DDX19A: variants seen among roughly 807,000 people sequenced by gnomAD.
DDX19A encodes the protein ATP-dependent RNA helicase DDX19A.
In DDX19A, 12 loss-of-function variants were observed where a neutral mutation model predicts 60.6. That is an observed-to-expected ratio of 0.20 (90% CI 0.13 to 0.32). The LOEUF is 0.32. Among genes scored for constraint, DDX19A ranks in the 10% least tolerant of loss-of-function variants. DDX19A has a pLI of 1.00. For missense variants in DDX19A, 337 were observed against 600.6 expected (o/e 0.56, Z 4.59); for synonymous variants, 206 against 218.2 (o/e 0.94, Z 0.49).
chr16:70,363,444 C>G (rs1488907905), intron 5 of DDX19A: 1 of 152,140 alleles, frequency 6.6e-6, no homozygotes, highest in Non-Finnish European at 1.5e-5. Context: ...TCAAGTGATT[C>G]TCCTGGCTCA....
chr16:70,356,767 C>G (rs1964200666), intron 4 of DDX19A: 2 of 679,684 alleles, frequency 2.9e-6, no homozygotes, highest in Non-Finnish European at 4.2e-6. Flanking sequence ...CTTGGCTATC[C>G]TGTTCTCTTG....
Position 70,365,116 on chromosome 16 carries a change from G to A in DDX19A, c.589G>A (p.Val197Ile), listed in dbSNP as rs201168154. The change falls in exon 7 of 12, where the codon GTT becomes ATT. Residue 197 changes from valine (V) to isoleucine (I), a missense_variant. Transcript: ENST00000302243. Reference protein sequence around the residue: ...FYPELKLAYAVRGNKLERGQK... With the variant: ...FYPELKLAYAIRGNKLERGQK... ...CCCAGAACTGAAGCTTGCCTATGCC[G>A]TTCGAGGCAATAAATGTGAGTACGG... The A allele has an allele frequency of 5.3e-5, 85 of 1,612,724 alleles. No individual in the cohort carries two copies. The East Asian group carries it at 1.2e-3, about 24-fold the overall frequency.
chr16:70,360,941 C>CCATGTTG (rs1964346490), intron 4 of DDX19A: 1 of 168,272 alleles, frequency 5.9e-6, no homozygotes, highest in Non-Finnish European at 1.3e-5. Flanking sequence ...CGAGGTATCA[C>CCATGTTG]CATGTTGCCC....
intron 4 of DDX19A, chr16:70,356,851 T>G: frequency 7.9e-7 from 1 of 1,264,816 alleles, no homozygotes; most frequent in Non-Finnish European, 1.0e-6. Flanking sequence ...CTTAGAACTT[T>G]CAATAAAATA....
At chr16:70,357,366 G>GTTTTTGTTTTTTTTTTTTTT (rs1964237287) in intron 4 of DDX19A, among the ~76,000 whole-genome samples, 1 of 44,596 alleles carries the variant, frequency 2.2e-5, no homozygotes, top group African/African-American at 8.9e-5. Flanking sequence ...TTTTTGGTTT[G>GTTTTTGTTTTTTTTTTTTTT]TTTTTTTTTT....
intron 4 of DDX19A, among the ~76,000 whole-genome samples, chr16:70,357,154 G>A (rs937594454): frequency 6.7e-5 from 10 of 150,248 alleles, no homozygotes; most frequent in Non-Finnish European, 1.3e-4. Flanking sequence ...CTCAGGAGGC[G>A]GAGGCTGAGG....
At chr16:70,355,205 C>A (rs780631825) in intron 2 of DDX19A, among the ~76,000 whole-genome samples, 2 of 151,886 alleles carry the variant, frequency 1.3e-5, no homozygotes, top group East Asian at 1.9e-4. Context: ...GGTGAAACCC[C>A]GTCTCTACTA....
At chr16:70,358,253 A>G (rs945256453) in intron 4 of DDX19A, among the ~76,000 whole-genome samples, 1 of 150,354 alleles carries the variant, frequency 6.7e-6, no homozygotes, top group Non-Finnish European at 1.5e-5. Context: ...CTGGTCTCAA[A>G]CTCCTGGCCT....
intron 1 of DDX19A, chr16:70,347,311 C>G (rs1963864090): frequency 1.9e-6 from 1 of 524,532 alleles, no homozygotes; most frequent in African/African-American, 1.9e-5. Flanking sequence ...TTGACCTCCT[C>G]GGTGACGATT....
intron 7 of DDX19A, chr16:70,365,775 G>C (rs1964501741): frequency 2.4e-6 from 1 of 413,876 alleles, no homozygotes; most frequent in Non-Finnish European, 4.5e-6. Context: ...GTGAGACCCT[G>C]TCTCAAAATA....
chr16:70,364,385 TA>T (rs1362170180), intron 5 of DDX19A, 157 bp from the exon 6 acceptor site: 40 of 602,776 alleles, frequency 6.6e-5, no homozygotes, highest in Non-Finnish European at 1.1e-4. Flanking sequence ...TAACAGCGTA[TA>T]AAAAAATGTA....
chr16:70,369,413 C>T (rs192568098), intron 9 of DDX19A, among the ~76,000 whole-genome samples: 34 of 144,486 alleles, frequency 2.4e-4, no homozygotes, highest in African/African-American at 6.7e-4. Context: ...CTCCTGACCT[C>T]GCGATCGGCC....
At chr16:70,360,280 C>CAAAAAA (rs570664065) in intron 4 of DDX19A, among the ~76,000 whole-genome samples, 2,809 of 140,902 alleles carry the variant, frequency 0.02, 39 homozygotes, top group Non-Finnish European at 0.031. Context: ...GACTCCATCT[C>CAAAAAA]AAAAAAAAAA....
rs780487764 is a variant in DDX19A at position 70,371,945 on chromosome 16, G to A, written c.1396G>A (p.Asp466Asn). 1 of 1,613,996 alleles carries A rather than the reference G, an allele frequency of 6.2e-7. No homozygotes were observed. The highest frequency in any genetic ancestry group is 1.1e-5 in the South Asian group (1 of 91,078). ...EHFNKKIERL[D>N]TDDLDEIEKI... Reference sequence around the variant, plus strand: ...CCCAGATAAGAAGATAGAAAGATTGGACACAGATGATTTGGACGAGATTGA... The same window carrying A: ...CCCAGATAAGAAGATAGAAAGATTGAACACAGATGATTTGGACGAGATTGA... Residue 466 changes from aspartate (D) to asparagine (N), a missense_variant, in exon 12 of 12, where the codon GAC (aspartate) becomes AAC (asparagine). This residue lies in a region of DDX19A where 29 missense variants were observed against 51.2 expected (regional missense o/e 0.57). Transcript: ENST00000302243.
chr16:70,347,030 G>A lies in DDX19A; in HGVS notation c.39G>A (p.Gln13=). The change falls in exon 1 of 12, where the codon CAG becomes CAA. Residue 13 remains glutamine, a synonymous_variant. Transcript: ENST00000302243. ...TDSWALAVDE[Q]EAAVKSMTNL... is the part of the protein sequence containing the mutation. ...CGTGGGCCCTGGCGGTGGACGAGCAGGAAGCGGCTGTCAAGTCGGTCAGTA... is the reference window on the plus strand; with the variant it reads ...CGTGGGCCCTGGCGGTGGACGAGCAAGAAGCGGCTGTCAAGTCGGTCAGTA... 1 of 1,612,588 alleles carries A rather than the reference G, an allele frequency of 6.2e-7. No individual in the cohort carries two copies. Among genetic ancestry groups the A allele is most frequent in the South Asian group, 1.1e-5 (1 of 90,832 alleles).
intron 2 of DDX19A, among the ~76,000 whole-genome samples, chr16:70,354,262 C>T (rs915652198): frequency 2.6e-5 from 4 of 152,096 alleles, no homozygotes; most frequent in Non-Finnish European, 4.4e-5. Flanking sequence ...TCTCCTGCCT[C>T]AGCCTTCCCG....
rs148764964 is a variant in DDX19A, at chr16:70,362,100, G to A, written c.386+590G>A. On this transcript the variant is annotated intron_variant, in intron 5 of 11. Coordinates refer to ENST00000302243, the MANE Select transcript of DDX19A (RefSeq NM_018332.5). ...TAAGGCAGGAGAATTGCTTGAACCC[G>A]GGAGGCAGAGGTTGCAGTGAGCCGA... Among the ~76,000 whole-genome samples, 4 of 151,582 alleles carry A rather than the reference G, an allele frequency of 2.6e-5. No individual in the cohort carries two copies. In the East Asian group the frequency reaches 5.8e-4, roughly 22 times the overall value.
At chr16:70,358,965 A>G (rs1964297020) in intron 4 of DDX19A, among the ~76,000 whole-genome samples, 1 of 152,150 alleles carries the variant, frequency 6.6e-6, no homozygotes, top group African/African-American at 2.4e-5. Flanking sequence ...ATGTGGTATG[A>G]TTTCCTTAGA....
chr16:70,370,322 G>T lies in DDX19A; in HGVS notation c.1120G>T (p.Val374Leu). The change falls in exon 10 of 12, where the codon GTG (valine) becomes TTG (leucine). Residue 374 changes from valine (V) to leucine (L), a missense_variant. Val to Leu is a conservative substitution (Grantham distance 32). Coordinates refer to ENST00000302243, the MANE Select transcript of DDX19A (RefSeq NM_018332.5). ...GATGATGGTGGAGCAGAGGGCTGCG[G>T]TGATTGAGCGCTTCCGAGAGGGCAA... ...GEMMVEQRAA[V>L]IERFREGKEK... 1 of 1,614,114 alleles carries T rather than the reference G, an allele frequency of 6.2e-7. No homozygotes were observed. Among genetic ancestry groups the T allele is most frequent in the Non-Finnish European group, 8.5e-7 (1 of 1,179,992 alleles).
Sources: allele counts gnomAD v4.1 joint callset (sites outside exome capture counted in the v4.1 genomes callset), GRCh38; gene constraint gnomAD v4.1.1; regional missense constraint gnomAD v4.1.1; transcripts MANE v1.5; gene names NCBI Gene and HGNC (gene_info 2026-07-23, HGNC 2026-07-21).